The following KIF16B variants were observed in gnomAD, a reference collection of about 807,000 sequenced individuals.
The protein encoded by KIF16B is kinesin-like protein KIF16B.
Under a neutral mutation model 156.3 loss-of-function variants are expected in KIF16B, and 98 were observed. The ratio of observed to expected loss-of-function variants is 0.63; its 90% CI spans 0.53 to 0.74. The LOEUF is 0.74. Among genes scored for constraint, KIF16B ranks in the 30% least tolerant of loss-of-function variants. The probability of loss-of-function intolerance (pLI) is 0.00; values close to 1 mark genes in which losing one functional copy is unlikely to be tolerated. For missense variants in KIF16B, 1,421 were observed against 1,606.5 expected, an observed-to-expected ratio of 0.88 and a Z score of 1.97; for synonymous variants, 564 against 583.7, an observed-to-expected ratio of 0.97 and a Z score of 0.49.
At position 16,526,123 on chromosome 20, in the gene KIF16B, G is replaced by A; in HGVS notation, c.200C>T (p.Thr67Ile). 5 of 1,602,634 alleles carry A rather than the reference G, an allele frequency of 3.1e-6. No individual in the cohort carries two copies. Among genetic ancestry groups the A allele is most frequent in the South Asian group, 1.1e-5 (1 of 88,674 alleles). ...TYDFSFYSAD[T>I]KSPDYVSQEM... ...TTGTGAAACGTAATCTGGGCTTTTT[G>A]TATCAGCAGAATAAAAAGAAAAGTC... The change falls in exon 3 of 26, where the codon ACA (threonine) becomes ATA (isoleucine). Residue 67 changes from threonine (T) to isoleucine (I), a missense_variant. Coordinates refer to ENST00000354981, the MANE Select transcript of KIF16B (RefSeq NM_024704.5).
chr20:16,467,942 A>C (rs1175464351), intron 12 of KIF16B, among the ~76,000 whole-genome samples: 3 of 152,228 alleles, frequency 2.0e-5, no homozygotes, highest in African/African-American at 7.2e-5. Context: ...AGGCAGAAAA[A>C]GTGTGGAAGA....
chr20:16,387,889 C>T (rs765427146), intron 17 of KIF16B, among the ~76,000 whole-genome samples: 18 of 151,924 alleles, frequency 1.2e-4, no homozygotes, highest in Admixed American at 1.0e-3. Flanking sequence ...AGGGGAAGTA[C>T]GTGTATTAAG....
At chr20:16,466,536 TA>T (rs963946004) in intron 12 of KIF16B, among the ~76,000 whole-genome samples, 1 of 152,182 alleles carries the variant, frequency 6.6e-6, no homozygotes, top group Non-Finnish European at 1.5e-5. Context: ...GATGGTTTTA[TA>T]AAGGGGAGTT....
At chr20:16,381,290 A>G (rs2065087578) in intron 18 of KIF16B, among the ~76,000 whole-genome samples, 2 of 152,220 alleles carry the variant, frequency 1.3e-5, no homozygotes, top group African/African-American at 4.8e-5. Context: ...ATCAGGAAAG[A>G]TGTTTTAAAA....
chr20:16,353,380 A>G (rs2064377410), intron 23 of KIF16B, among the ~76,000 whole-genome samples: 3 of 152,240 alleles, frequency 2.0e-5, no homozygotes, highest in African/African-American at 7.2e-5. Flanking sequence ...AAAAATCCCA[A>G]CAAAATCCAA....
At chr20:16,499,891 G>C (rs570336452) in intron 10 of KIF16B, among the ~76,000 whole-genome samples, 1 of 152,196 alleles carries the variant, frequency 6.6e-6, no homozygotes, top group Admixed American at 6.5e-5. Flanking sequence ...TTTGCAAGGT[G>C]TATCTTTAGA....
In KIF16B at chr20:16,374,371, T is replaced by G; in HGVS notation, c.3236A>C (p.Tyr1079Ser). Residue 1079 changes from tyrosine (Y) to serine (S), a missense_variant, in exon 20 of 26, where the codon TAT becomes TCT. Physicochemically the swap from Tyr to Ser is moderately radical, Grantham distance 144 (BLOSUM62 -2). Coordinates refer to ENST00000354981, the MANE Select transcript of KIF16B (RefSeq NM_024704.5). ...YEIQQLKQKI[Y>S]EVDGVQKDHH... ...ATCTTTTTGAACACCATCGACCTCA[T>G]AAATCTTCTGTTTCAGCTGCTGGAT... is the stretch of plus-strand genomic sequence containing the variant. The G allele has an allele frequency of 6.3e-7, 1 of 1,595,610 alleles. No homozygotes were observed. The highest frequency in any genetic ancestry group is 1.7e-4 in the Middle Eastern group (1 of 5,998).
intron 25 of KIF16B, among the ~76,000 whole-genome samples, chr20:16,306,852 T>C (rs1601536472): frequency 6.6e-6 from 1 of 152,326 alleles, no homozygotes; most frequent in Middle Eastern, 3.4e-3. Flanking sequence ...CCGTGTTGTA[T>C]ATGCAATCAC....
At chr20:16,330,894 C>G (rs929344837) in intron 24 of KIF16B, among the ~76,000 whole-genome samples, 5 of 152,246 alleles carry the variant, frequency 3.3e-5, no homozygotes, top group African/African-American at 9.6e-5. Flanking sequence ...CAGAGTGGTT[C>G]TCACACATGC....
At chr20:16,414,152 G>T (rs6105596) in intron 15 of KIF16B, among the ~76,000 whole-genome samples, 72,295 of 151,826 alleles carry the variant, frequency 0.48, 17,944 homozygotes, top group East Asian at 0.77. Context: ...TTTCAAACAC[G>T]AGAATTATAG....
At chr20:16,463,474 G>A (rs114976773) in intron 12 of KIF16B, among the ~76,000 whole-genome samples, 67 of 152,248 alleles carry the variant, frequency 4.4e-4, no homozygotes, top group African/African-American at 1.4e-3. Context: ...AGTGAAGTCC[G>A]ATGTTTTTTA....
intron 23 of KIF16B, among the ~76,000 whole-genome samples, chr20:16,343,538 G>C (rs1270077018): frequency 6.6e-6 from 1 of 152,122 alleles, no homozygotes; most frequent in East Asian, 1.9e-4. Flanking sequence ...TTTGTAATTA[G>C]TAACTGTTTA....
chr20:16,564,429 G>A (rs371871369), intron 1 of KIF16B, among the ~76,000 whole-genome samples: 20 of 152,080 alleles, frequency 1.3e-4, no homozygotes, highest in Admixed American at 4.6e-4. Context: ...ACCAAACACC[G>A]CATGTTCTCA....
At chr20:16,455,184 T>C (rs1014004954) in intron 12 of KIF16B, among the ~76,000 whole-genome samples, 1 of 152,120 alleles carries the variant, frequency 6.6e-6, no homozygotes, top group Non-Finnish European at 1.5e-5. Flanking sequence ...GAAATGACTA[T>C]AAAACCAACT....
At chr20:16,343,306 ATACT>A (rs996741799) in intron 23 of KIF16B, among the ~76,000 whole-genome samples, 1 of 152,172 alleles carries the variant, frequency 6.6e-6, no homozygotes, top group Non-Finnish European at 1.5e-5. Flanking sequence ...TTTATGTTAT[ATACT>A]TATTTTGCTG....
intron 10 of KIF16B, among the ~76,000 whole-genome samples, chr20:16,503,358 T>A (rs2068679978): frequency 6.6e-6 from 1 of 152,236 alleles, no homozygotes; most frequent in African/African-American, 2.4e-5. Context: ...TGTGGAGATA[T>A]TTTTAAGCAC....
rs185939434 is a variant in KIF16B at position 16,322,838 on chromosome 20, C to T, written c.3712-10420G>A. Among the ~76,000 whole-genome samples, 6 of 152,078 alleles carry T rather than the reference C, an allele frequency of 3.9e-5. No individual in the cohort carries two copies. The South Asian group carries it at 1.0e-3, about 26-fold the overall frequency. ...AAGCCTTTTCTCTTGGCAAAGTTCA[C>T]ATTTTAGTTGAGCCAGACCCTGTAT... On this transcript the variant is annotated intron_variant, in intron 24 of 25. Coordinates refer to ENST00000354981, the MANE Select transcript of KIF16B (RefSeq NM_024704.5).
At position 16,335,992 on chromosome 20, in the gene KIF16B, C is replaced by T; in HGVS notation, c.3645G>A (p.Trp1215Ter). 6.2e-7 allele frequency: 1 copy of T among 1,608,378 alleles called. No individual in the cohort carries two copies. Among genetic ancestry groups the T allele is most frequent in the Non-Finnish European group, 8.5e-7 (1 of 1,176,722 alleles). ...EVKITVLDET[W>*]TVFRRYSRFR... ...AACGACTGTAACGCCTGAATACAGT[C>T]CATGTCTCATCTAGGACAGTAATCT... Residue 1215 changes from tryptophan to a stop codon, truncating the protein, a stop_gained, in exon 24 of 26, where the codon TGG (tryptophan) becomes TGA (stop). Coordinates refer to ENST00000354981, the MANE Select transcript of KIF16B (RefSeq NM_024704.5). LOFTEE classifies it high-confidence loss of function.
At chr20:16,446,348 G>A (rs990037930) in intron 12 of KIF16B, among the ~76,000 whole-genome samples, 4 of 152,150 alleles carry the variant, frequency 2.6e-5, no homozygotes, top group Admixed American at 2.0e-4. Context: ...ACCAGATCGG[G>A]GTTAGTTTTT....
Sources: allele counts gnomAD v4.1 joint callset (sites outside exome capture counted in the v4.1 genomes callset), GRCh38; gene constraint gnomAD v4.1.1; transcripts MANE v1.5; gene names NCBI Gene and HGNC (gene_info 2026-07-23, HGNC 2026-07-21).